MYO16: variants seen among roughly 807,000 people sequenced by gnomAD.
The protein encoded by MYO16 is unconventional myosin-XVI.
In MYO16, 94 loss-of-function variants were observed where a neutral mutation model predicts 205.3. The ratio of observed to expected loss-of-function variants is 0.46; its 90% CI spans 0.39 to 0.54. MYO16 has a LOEUF of 0.54. Ranked by LOEUF, MYO16 falls within the 20% of genes least tolerant of loss-of-function variation. The pLI, the probability that MYO16 is intolerant of heterozygous loss-of-function variation, is 0.00. For missense variants in MYO16, 2,315 were observed against 2,387.5 expected, an observed-to-expected ratio of 0.97 and a Z score of 0.63; for synonymous variants, 988 against 954.0, an observed-to-expected ratio of 1.04 and a Z score of -0.66.
chr13:108,558,303 G>A, the MYO16 span, among the ~76,000 whole-genome samples: 1 of 152,094 alleles, frequency 6.6e-6, no homozygotes, highest in South Asian at 2.1e-4. Context: ...ACTGAATTTT[G>A]CCTTGGGAAA....
chr13:109,023,703 GTATATATA>G (rs1479321064), intron 23 of MYO16, among the ~76,000 whole-genome samples: 6 of 119,822 alleles, frequency 5.0e-5, no homozygotes, highest in African/African-American at 1.8e-4. Context: ...ATGTATATAT[GTATATATA>G]CAAATATATG....
intron 4 of MYO16, among the ~76,000 whole-genome samples, chr13:108,775,015 G>A (rs1246624966): frequency 6.6e-6 from 1 of 152,158 alleles, no homozygotes; most frequent in Middle Eastern, 3.2e-3. Flanking sequence ...TATGAAGTAA[G>A]TTTAGGCTTG....
intron 20 of MYO16, among the ~76,000 whole-genome samples, chr13:108,977,214 T>G (rs1270818543): frequency 1.3e-5 from 2 of 152,228 alleles, no homozygotes; most frequent in Non-Finnish European, 2.9e-5. Flanking sequence ...CCTAGTTTAT[T>G]CTTTTTAACT....
At chr13:108,757,963 C>T (rs1885477433) in intron 4 of MYO16, among the ~76,000 whole-genome samples, 1 of 152,074 alleles carries the variant, frequency 6.6e-6, no homozygotes, top group Non-Finnish European at 1.5e-5. Flanking sequence ...TTCTAAGCTC[C>T]AAGGTGATGG....
rs1198052643 is a variant in MYO16 at position 109,055,195 on chromosome 13, CT to C, written c.3129+77del. On this transcript the variant is annotated intron_variant, in intron 26 of 34. Coordinates refer to ENST00000457511, the MANE Select transcript of MYO16 (RefSeq NM_001198950.3). The surrounding 1 kb of genome is among the most constrained non-coding windows in gnomAD (Gnocchi z 5.0). Reference sequence around the variant, plus strand: ...AGCAACTAAAGAGGGTTTATGTAGACTTTTTTTTCCATTTTTGACAACTTAA... The same window carrying C: ...AGCAACTAAAGAGGGTTTATGTAGACTTTTTTTCCATTTTTGACAACTTAA... 43 of 1,323,134 alleles carry C rather than the reference CT, an allele frequency of 3.2e-5. No individual in the cohort carries two copies. Among genetic ancestry groups the C allele is most frequent in the African/African-American group, 9.0e-5 (6 of 66,918 alleles). The allele number at this position is 1,323,134 out of a possible 1,614,324, so 82.0% of individuals were successfully genotyped here. A position where few individuals can be genotyped will look rare whatever the true frequency, so the allele number is the denominator to read the frequency against.
Position 108,830,330 on chromosome 13 carries a change from A to G in MYO16, c.1097+7052A>G, listed in dbSNP as rs199916737. The stretch of plus-strand genomic sequence containing the variant: ...GCACACGTATGTTTATTGTGGCACT[A>G]TTCACAATAGCAAAGACCTGGAACC... On this transcript the variant is annotated intron_variant, in intron 9 of 34. Coordinates refer to ENST00000457511, the MANE Select transcript of MYO16 (RefSeq NM_001198950.3). Among the ~76,000 whole-genome samples the G allele has an allele frequency of 1.7e-3, 227 of 137,102 alleles. 4 individuals are homozygous for G. The South Asian group carries it at 0.027, about 16-fold the overall frequency. 89.9% of individuals were successfully genotyped at this position (137,102 alleles called of 152,430 possible).
the MYO16 span, among the ~76,000 whole-genome samples, chr13:108,531,818 G>C: frequency 6.6e-6 from 1 of 152,064 alleles, no homozygotes; most frequent in African/African-American, 2.4e-5. Flanking sequence ...AGAAAGACTG[G>C]TTCTAGACAT....
At chr13:108,658,199 T>A (rs1004564544) in intron 1 of MYO16, among the ~76,000 whole-genome samples, 1 of 152,192 alleles carries the variant, frequency 6.6e-6, no homozygotes, top group Admixed American at 6.5e-5. Flanking sequence ...ATTTTGTTTG[T>A]TTGTTTTTAT....
intron 9 of MYO16, among the ~76,000 whole-genome samples, chr13:108,824,920 A>T (rs984590758): frequency 6.6e-6 from 1 of 152,114 alleles, no homozygotes; most frequent in African/African-American, 2.4e-5. Flanking sequence ...AGTCATCAAA[A>T]ACTTCTCACA....
chr13:109,117,402 A>G (rs958177323), intron 28 of MYO16, among the ~76,000 whole-genome samples: 2 of 147,090 alleles, frequency 1.4e-5, no homozygotes, highest in Non-Finnish European at 3.0e-5. Context: ...ATATATGTAT[A>G]TATATATGTG....
the MYO16 span, among the ~76,000 whole-genome samples, chr13:108,543,740 CTTTT>C: frequency 4.0e-5 from 5 of 125,148 alleles, no homozygotes; most frequent in Non-Finnish European, 3.3e-5. Context: ...TCCTTTTTTT[CTTTT>C]TTTTTTTTTT....
At chr13:108,727,194 G>C (rs1035288731) in intron 3 of MYO16, among the ~76,000 whole-genome samples, 1 of 151,058 alleles carries the variant, frequency 6.6e-6, no homozygotes, top group Admixed American at 6.6e-5. Context: ...TACTTTTTTC[G>C]ACCTTCCTAC....
rs547369280 is a variant in MYO16, at chr13:109,120,190, A to T, written c.3439-180A>T. Among the ~76,000 whole-genome samples, 3 of 152,226 alleles carry T rather than the reference A, an allele frequency of 2.0e-5. No homozygotes were observed. In the South Asian group the frequency reaches 6.2e-4, roughly 32 times the overall value. ...ACATGCAGTAAACATACTTATTACA[A>T]CAAAGCCTTTGGGATTTTGATTAAA... is the stretch of plus-strand genomic sequence containing the variant. On this transcript the variant is annotated intron_variant, in intron 28 of 34. Transcript: ENST00000457511.
At chr13:109,192,916 G>T (rs1879986390) in intron 34 of MYO16, among the ~76,000 whole-genome samples, 1 of 152,162 alleles carries the variant, frequency 6.6e-6, no homozygotes, top group Admixed American at 6.5e-5. Context: ...TATTGTTGCT[G>T]TTAGGCATTA....
intron 33 of MYO16, among the ~76,000 whole-genome samples, chr13:109,172,169 A>G (rs9521194): frequency 0.14 from 21,193 of 152,218 alleles, 1,938 homozygotes; most frequent in African/African-American, 0.26. Context: ...AAATATCTTT[A>G]ATATGTATTT....
chr13:108,985,346 C>T (rs1292940646), intron 20 of MYO16, among the ~76,000 whole-genome samples: 1 of 152,198 alleles, frequency 6.6e-6, no homozygotes, highest in Non-Finnish European at 1.5e-5. Context: ...CAAGCAGCCT[C>T]CCTCTAGTTT....
chr13:109,023,296 A>C (rs1237977475), intron 23 of MYO16, among the ~76,000 whole-genome samples: 1 of 85,622 alleles, frequency 1.2e-5, no homozygotes, highest in Non-Finnish European at 2.0e-5. Context: ...TATATTATAC[A>C]GATATAAATA....
chr13:109,127,593 G>T lies in MYO16; in HGVS notation c.4051+43G>T, dbSNP rs751873501. Reference sequence around the variant, plus strand: ...ACCCAGCCTCGTGTTCCGGGCTCGCGCATGCTCTGACTTCGCCTTGGGGCG... The same window carrying T: ...ACCCAGCCTCGTGTTCCGGGCTCGCTCATGCTCTGACTTCGCCTTGGGGCG... On this transcript the variant is annotated intron_variant, in intron 31 of 34. Coordinates refer to ENST00000457511, the MANE Select transcript of MYO16 (RefSeq NM_001198950.3). This position sits in a 1 kb window ranked among gnomAD's most constrained non-coding sequence, Gnocchi z 4.2. 1.9e-6 allele frequency: 3 copies of T among 1,588,136 alleles called. No individual in the cohort carries two copies. The highest frequency in any genetic ancestry group is 2.2e-5 in the South Asian group (2 of 89,320).
intron 2 of MYO16, among the ~76,000 whole-genome samples, chr13:108,705,378 C>T (rs1435238967): frequency 2.0e-5 from 3 of 152,152 alleles, no homozygotes; most frequent in African/African-American, 4.8e-5. Context: ...AATGCAACAT[C>T]GCGGTGTCTA....
Sources: allele counts gnomAD v4.1 joint callset (sites outside exome capture counted in the v4.1 genomes callset), GRCh38; gene constraint gnomAD v4.1.1; non-coding constraint Gnocchi (gnomAD v3.1); transcripts MANE v1.5; gene names NCBI Gene and HGNC (gene_info 2026-07-23, HGNC 2026-07-21).